The following TSEN2 variants were observed in gnomAD, a reference collection of about 807,000 sequenced individuals.
TSEN2 encodes tRNA-splicing endonuclease subunit Sen2.
In TSEN2, 54 loss-of-function variants were observed where a neutral mutation model predicts 59.2. The observed-to-expected ratio is 0.91, with a 90% CI of 0.73 to 1.14. TSEN2 has a LOEUF of 1.14. Among genes scored for constraint, TSEN2 ranks in the 50% most tolerant of loss-of-function variants. The pLI, the probability that TSEN2 is intolerant of heterozygous loss-of-function variation, is 0.00. For missense variants in TSEN2, 636 were observed against 576.2 expected, an observed-to-expected ratio of 1.10 and a Z score of -1.06; for synonymous variants, 195 against 198.2, an observed-to-expected ratio of 0.98 and a Z score of 0.14.
chr3:12,520,555 C>A (rs990902729), intron 8 of TSEN2, among the ~76,000 whole-genome samples: 1 of 152,020 alleles, frequency 6.6e-6, no homozygotes, highest in Non-Finnish European at 1.5e-5. Context: ...TTTGGGAGGC[C>A]GAGGCGGGCA....
chr3:12,519,128 A>G lies in TSEN2; in HGVS notation c.1030A>G (p.Met344Val), dbSNP rs756909660. 12 of 1,614,118 alleles carry G rather than the reference A, an allele frequency of 7.4e-6. No homozygotes were observed. The highest frequency in any genetic ancestry group is 1.7e-5 in the Admixed American group (1 of 60,004). The change falls in exon 8 of 12, where the codon ATG becomes GTG. Residue 344 changes from methionine to valine, a missense_variant. Met to Val is a conservative substitution (Grantham distance 21, BLOSUM62 1). Coordinates refer to ENST00000284995, the MANE Select transcript of TSEN2 (RefSeq NM_025265.4). ...TCAGCCCACGTTCAGAACCACCTAC[A>G]TGGCCTACCATTACTTTCGAAGCAA... Reference protein sequence around the residue: ...VVQPTFRTTYMAYHYFRSKGW... With the variant: ...VVQPTFRTTYVAYHYFRSKGW...
intron 10 of TSEN2, chr3:12,530,170 G>A (rs943627114): frequency 2.4e-6 from 3 of 1,240,220 alleles, no homozygotes; most frequent in Non-Finnish European, 3.0e-6. Flanking sequence ...CTCTTCCCAG[G>A]GGTATCGTTG....
At chr3:12,531,402 C>T (rs1039161574) in intron 10 of TSEN2, 168 bp from the exon 11 acceptor site, 9 of 608,630 alleles carry the variant, frequency 1.5e-5, no homozygotes, top group Middle Eastern at 2.6e-4. Flanking sequence ...TTAGTCAGAA[C>T]GTAAATCCCA....
chr3:12,517,710 A>G (rs1371069201), intron 7 of TSEN2, among the ~76,000 whole-genome samples: 3 of 152,172 alleles, frequency 2.0e-5, no homozygotes, highest in Non-Finnish European at 4.4e-5. Context: ...CTGCCTGACA[A>G]ATGGCTCATT....
intron 6 of TSEN2, among the ~76,000 whole-genome samples, chr3:12,506,051 A>C (rs1266025335): frequency 6.6e-6 from 1 of 152,192 alleles, no homozygotes; most frequent in South Asian, 2.1e-4. Flanking sequence ...AGAAGAAAAA[A>C]GTGGATTTCG....
rs374742040 is a variant in TSEN2, at chr3:12,532,558, A to T, written c.1339-104A>T. The T allele has an allele frequency of 3.5e-5, 39 of 1,101,160 alleles. No homozygotes were observed. The African/African-American group carries it at 4.3e-4, about 12-fold the overall frequency. 68.2% of individuals were successfully genotyped at this position (1,101,160 alleles called of 1,614,324 possible). A position where few individuals can be genotyped will look rare whatever the true frequency, so the allele number is the denominator to read the frequency against. ...TAAAGGTGGGAACAGTATCATCATT[A>T]TATAGACCGCCCTTTGTGAAATGTA... On this transcript the variant is annotated intron_variant, in intron 11 of 11. Coordinates refer to ENST00000284995, the MANE Select transcript of TSEN2 (RefSeq NM_025265.4).
intron 5 of TSEN2, among the ~76,000 whole-genome samples, chr3:12,504,489 G>A (rs2054608409): frequency 6.6e-6 from 1 of 151,874 alleles, no homozygotes; most frequent in Non-Finnish European, 1.5e-5. Flanking sequence ...AGGCTAAGGT[G>A]GGAGGATTTC....
At chr3:12,497,950 C>T (rs2053919725) in intron 4 of TSEN2, among the ~76,000 whole-genome samples, 1 of 152,198 alleles carries the variant, frequency 6.6e-6, no homozygotes. Context: ...GCCTTCACTG[C>T]TGGCTCCTGG....
chr3:12,481,531 GT>G (rs754157929), upstream of TSEN2, among the ~76,000 whole-genome samples: 30 of 152,212 alleles, frequency 2.0e-4, no homozygotes, highest in Admixed American at 8.5e-4. Flanking sequence ...TGATTTAACT[GT>G]TTAAAATGGC....
chr3:12,518,462 C>A (rs115686313), intron 7 of TSEN2, among the ~76,000 whole-genome samples: 1 of 152,130 alleles, frequency 6.6e-6, no homozygotes, highest in Non-Finnish European at 1.5e-5. Flanking sequence ...ACCACCACCC[C>A]CTCCAGTCCT....
Position 12,519,052 on chromosome 3 carries a change from A to G in TSEN2, c.961-7A>G, listed in dbSNP as rs2056400801. ...AATGCTTTTTGTTTTTTTGTAAATAACTTTAGGAGCCTTTAACGATAGTGA... is the reference window on the plus strand; with the variant it reads ...AATGCTTTTTGTTTTTTTGTAAATAGCTTTAGGAGCCTTTAACGATAGTGA... On this transcript the variant is annotated splice_region_variant and splice_polypyrimidine_tract_variant and intron_variant, in intron 7 of 11. Transcript: ENST00000284995. 8 of 1,614,128 alleles carry G rather than the reference A, an allele frequency of 5.0e-6. No homozygotes were observed. The highest frequency in any genetic ancestry group is 6.8e-6 in the Non-Finnish European group (8 of 1,180,008).
At chr3:12,505,069 A>G in intron 5 of TSEN2, 85 bp from the exon 6 acceptor site, 3 of 840,750 alleles carry the variant, frequency 3.6e-6, no homozygotes, top group Non-Finnish European at 6.1e-6. Context: ...GGAATTTATA[A>G]GAAAAATGTT....
chr3:12,485,108 G>C (rs2052467877), intron 1 of TSEN2, among the ~76,000 whole-genome samples: 1 of 152,204 alleles, frequency 6.6e-6, no homozygotes, highest in South Asian at 2.1e-4. Flanking sequence ...AGGCAGGATT[G>C]TTTACCTTGT....
At chr3:12,492,021 C>A in intron 2 of TSEN2, 115 bp from the exon 3 acceptor site, 1 of 856,888 alleles carries the variant, frequency 1.2e-6, no homozygotes, top group Non-Finnish European at 2.0e-6. Context: ...TTGGTATCCA[C>A]CAGAGGTCCT....
intron 6 of TSEN2, among the ~76,000 whole-genome samples, chr3:12,512,584 T>C (rs534740227): frequency 1.3e-5 from 2 of 152,384 alleles, no homozygotes; most frequent in South Asian, 2.1e-4. Context: ...TATTACACAG[T>C]GACTAGGTCT....
At chr3:12,497,888 C>G (rs1382490113) in intron 4 of TSEN2, among the ~76,000 whole-genome samples, 1 of 152,120 alleles carries the variant, frequency 6.6e-6, no homozygotes, top group Non-Finnish European at 1.5e-5. Flanking sequence ...CTCAAGGTGT[C>G]AGCAGGGCCA....
intron 5 of TSEN2, 143 bp downstream of exon 5, chr3:12,503,927 G>A: frequency 1.9e-6 from 2 of 1,043,310 alleles, no homozygotes; most frequent in South Asian, 1.5e-5. Context: ...CACAGCAGCT[G>A]TGAGGGCCAT....
At position 12,503,532 on chromosome 3, in the gene TSEN2, G is replaced by C. The variant is rs753251058; in HGVS notation, c.579G>C (p.Leu193=). 4 of 1,612,782 alleles carry C rather than the reference G, an allele frequency of 2.5e-6. No individual in the cohort carries two copies. The Admixed American group carries it at 6.7e-5, about 27-fold the overall frequency. ...VGDPREPLGC[L]QEGSGCHPTT... The stretch of plus-strand genomic sequence containing the variant: ...ATCCCCGTGAGCCATTAGGCTGCCT[G>C]CAGGAGGGCTCTGGCTGCCACCCAA... Residue 193 remains leucine (L), a synonymous_variant, in exon 5 of 12, where the codon CTG becomes CTC. Transcript: ENST00000284995.
At chr3:12,538,561 G>A (rs549925254), downstream of TSEN2, among the ~76,000 whole-genome samples, 1 of 152,116 alleles carries the variant, frequency 6.6e-6, no homozygotes, top group South Asian at 2.1e-4. Flanking sequence ...AACACGAGGC[G>A]GTTATTGGTA....
Sources: allele counts gnomAD v4.1 joint callset (sites outside exome capture counted in the v4.1 genomes callset), GRCh38; gene constraint gnomAD v4.1.1; transcripts MANE v1.5; gene names NCBI Gene and HGNC (gene_info 2026-07-23, HGNC 2026-07-21).